The following PLCL1 variants were observed in gnomAD, a reference collection of about 807,000 sequenced individuals.
The protein encoded by PLCL1 is inactive phospholipase C-like protein 1.
PLCL1 carries 41 observed loss-of-function variants against 84.4 expected under a neutral mutation model. The observed-to-expected ratio is 0.49, with a 90% CI of 0.38 to 0.63. PLCL1 has a LOEUF of 0.63. Ranked by LOEUF, PLCL1 falls within the 30% of genes least tolerant of loss-of-function variation. The pLI is 0.00. For synonymous variants in PLCL1, 490 were observed against 488.3 expected (o/e 1.00, Z -0.05); for missense variants, 1,206 against 1,367.8 (o/e 0.88, Z 1.87).
At position 198,085,998 on chromosome 2, in the gene PLCL1, C is replaced by G. The variant is rs1330239576; in HGVS notation, c.2481C>G (p.Pro827=). The change falls in exon 2 of 6, where the codon CCC becomes CCG. Residue 827 remains proline, a synonymous_variant. Coordinates refer to ENST00000428675, the MANE Select transcript of PLCL1 (RefSeq NM_006226.4). The surrounding 1 kb of genome is among the most constrained non-coding windows in gnomAD (Gnocchi z 5.3). ...ECLQPGYRHV[P]LRSFVGDIME... ...TGCAGCCTGGATATCGGCATGTTCC[C>G]CTGCGTTCTTTTGTGGGTGACATCA... The G allele has an allele frequency of 5.6e-6, 9 of 1,613,894 alleles. No individual in the cohort carries two copies. Among genetic ancestry groups the G allele is most frequent in the Non-Finnish European group, 6.8e-6 (8 of 1,179,988 alleles).
At chr2:197,968,374 T>TC (rs1051105882) in intron 1 of PLCL1, among the ~76,000 whole-genome samples, 3 of 152,098 alleles carry the variant, frequency 2.0e-5, no homozygotes, top group Non-Finnish European at 2.9e-5. Flanking sequence ...TTATCAGAGA[T>TC]CCCCCCTTAC....
intron 1 of PLCL1, among the ~76,000 whole-genome samples, chr2:198,050,042 G>T (rs1691888512): frequency 6.6e-6 from 1 of 152,184 alleles, no homozygotes; most frequent in Non-Finnish European, 1.5e-5. Flanking sequence ...GCTTAGACAA[G>T]TATGGGTCTC....
At chr2:198,068,744 A>G (rs970092890) in intron 1 of PLCL1, among the ~76,000 whole-genome samples, 1 of 152,196 alleles carries the variant, frequency 6.6e-6, no homozygotes, top group African/African-American at 2.4e-5. Context: ...AAAAATTGCC[A>G]CTGAGGCGGG....
At chr2:198,126,072 G>T (rs1053987465) in intron 5 of PLCL1, among the ~76,000 whole-genome samples, 3 of 151,822 alleles carry the variant, frequency 2.0e-5, no homozygotes, top group South Asian at 2.1e-4. Context: ...TCTTTAATTT[G>T]TTTCTAGTGG....
intron 1 of PLCL1, among the ~76,000 whole-genome samples, chr2:198,068,896 G>A (rs1047966586): frequency 2.0e-5 from 3 of 151,924 alleles, no homozygotes; most frequent in African/African-American, 7.3e-5. Flanking sequence ...GGTGGCAGGC[G>A]CAGTGGCAGG....
At chr2:198,010,513 C>G (rs534327370) in intron 1 of PLCL1, among the ~76,000 whole-genome samples, 1 of 151,916 alleles carries the variant, frequency 6.6e-6, no homozygotes, top group Non-Finnish European at 1.5e-5. Context: ...TTATAAATCC[C>G]TCTTGATCAT....
chr2:198,070,924 A>G (rs1356050938), intron 1 of PLCL1: 2 of 165,788 alleles, frequency 1.2e-5, no homozygotes, highest in Non-Finnish European at 2.5e-5. Flanking sequence ...GTTAATTTTA[A>G]ATAATTTGAG....
At chr2:198,058,349 A>G (rs1692114912) in intron 1 of PLCL1, among the ~76,000 whole-genome samples, 1 of 152,082 alleles carries the variant, frequency 6.6e-6, no homozygotes, top group South Asian at 2.1e-4. Context: ...ATCCCAAATT[A>G]AATATATCCC....
intron 1 of PLCL1, among the ~76,000 whole-genome samples, chr2:197,862,592 T>C (rs1247498500): frequency 6.6e-6 from 1 of 152,194 alleles, no homozygotes; most frequent in African/African-American, 2.4e-5. Context: ...CCATGTTTTT[T>C]GTCTCTTTCT....
chr2:198,017,519 A>T lies in PLCL1; in HGVS notation c.241-66239A>T, dbSNP rs1177143121. On this transcript the variant is annotated intron_variant, in intron 1 of 5. Coordinates refer to ENST00000428675, the MANE Select transcript of PLCL1 (RefSeq NM_006226.4). ...TATGTAAAGAATGAAAGGACAAAAAAATTGTTCTCTTTGTATGTCTTAATG... is the reference window on the plus strand; with the variant it reads ...TATGTAAAGAATGAAAGGACAAAAATATTGTTCTCTTTGTATGTCTTAATG... 2.0e-5 allele frequency among the ~76,000 whole-genome samples: 3 copies of T among 152,232 alleles called. No individual in the cohort carries two copies. In the East Asian group the frequency reaches 5.8e-4, roughly 29 times the overall value.
chr2:198,088,108 T>A (rs1294631863), intron 2 of PLCL1, among the ~76,000 whole-genome samples: 1 of 152,232 alleles, frequency 6.6e-6, no homozygotes, highest in Non-Finnish European at 1.5e-5. Context: ...AATCTTGAAA[T>A]ATGTACTTTG....
At chr2:198,024,411 G>A (rs1195537330) in intron 1 of PLCL1, among the ~76,000 whole-genome samples, 3 of 151,494 alleles carry the variant, frequency 2.0e-5, no homozygotes, top group African/African-American at 7.3e-5. Context: ...TTAAAAAAAG[G>A]AAAAAAAAGC....
chr2:198,023,433 A>G (rs940298265), intron 1 of PLCL1, among the ~76,000 whole-genome samples: 1 of 152,224 alleles, frequency 6.6e-6, no homozygotes, highest in African/African-American at 2.4e-5. Context: ...TCTGCACAGC[A>G]AAAGAAACTG....
intron 1 of PLCL1, among the ~76,000 whole-genome samples, chr2:197,918,969 C>CTCTCTCTCTCTCTCT (rs1369678298): frequency 9.5e-5 from 14 of 146,970 alleles, no homozygotes; most frequent in East Asian, 8.1e-4. Context: ...TCTCTCTCTC[C>CTCTCTCTCTCTCTCT]CTCACACACA....
chr2:197,841,103 C>T (rs1488723784), intron 1 of PLCL1, among the ~76,000 whole-genome samples: 3 of 152,124 alleles, frequency 2.0e-5, no homozygotes, highest in African/African-American at 7.2e-5. Context: ...TCATATCCAA[C>T]CCACCGCAGT....
chr2:197,826,994 A>G (rs1690943707), intron 1 of PLCL1, among the ~76,000 whole-genome samples: 1 of 152,032 alleles, frequency 6.6e-6, no homozygotes, highest in Non-Finnish European at 1.5e-5. Flanking sequence ...ATGTATCACC[A>G]TGTTTTCTTG....
rs187827223 is a variant in PLCL1 at position 198,085,011 on chromosome 2, G to A, written c.1494G>A (p.Pro498=). 2.5e-5 allele frequency: 41 copies of A among 1,613,976 alleles called. No individual in the cohort carries two copies. Among genetic ancestry groups the A allele is most frequent in the Middle Eastern group, 1.7e-4 (1 of 6,060 alleles). The change falls in exon 2 of 6, where the codon CCG becomes CCA. Residue 498 remains proline (P), a synonymous_variant. Coordinates refer to ENST00000428675, the MANE Select transcript of PLCL1 (RefSeq NM_006226.4). The surrounding 1 kb of genome is among the most constrained non-coding windows in gnomAD (Gnocchi z 5.3). ...ILCLGNHCSL[P]QQKVMAQQMK... ...GCTTGGGAAATCACTGCTCCTTGCCGCAGCAGAAGGTAATGGCTCAACAGA... is the reference window on the plus strand; with the variant it reads ...GCTTGGGAAATCACTGCTCCTTGCCACAGCAGAAGGTAATGGCTCAACAGA...
intron 1 of PLCL1, among the ~76,000 whole-genome samples, chr2:198,018,934 G>A (rs1391789723): frequency 6.6e-6 from 1 of 152,182 alleles, no homozygotes; most frequent in Non-Finnish European, 1.5e-5. Flanking sequence ...GCCTTCTGAC[G>A]GGGAAATATC....
At chr2:198,087,652 AC>A (rs1692917339) in intron 2 of PLCL1, among the ~76,000 whole-genome samples, 2 of 135,534 alleles carry the variant, frequency 1.5e-5, no homozygotes, top group Non-Finnish European at 3.5e-5. Flanking sequence ...GTTAATAATA[AC>A]TGTACATTTT....
Sources: gnomAD v4.1 joint callset for allele counts (sites outside exome capture counted in the v4.1 genomes callset) on GRCh38, gnomAD v4.1.1 for gene constraint, Gnocchi (gnomAD v3.1) non-coding constraint, MANE v1.5 for transcripts, NCBI Gene and HGNC (gene_info 2026-07-23, HGNC 2026-07-21) for gene names.